Variants in KANSL1 observed in about 807,000 individuals in gnomAD.
KANSL1 encodes the protein KAT8 regulatory NSL complex subunit 1.
KANSL1 carries 22 observed loss-of-function variants against 103.6 expected under a neutral mutation model. The observed-to-expected ratio is 0.21, with a 90% confidence interval of 0.15 to 0.30. The LOEUF (loss-of-function observed/expected upper bound fraction) is 0.30, where lower values mean the gene tolerates loss of function less well. Ranked by LOEUF, KANSL1 falls within the 10% of genes least tolerant of loss-of-function variation. KANSL1 has a pLI of 1.00. For missense variants in KANSL1, 1,337 were observed against 1,399.8 expected (o/e 0.96, Z 0.72); for synonymous variants, 600 against 527.6 (o/e 1.14, Z -1.88).
At chr17:46,218,821 G>C (rs1194713614) in intron 1 of KANSL1, among the ~76,000 whole-genome samples, 1 of 152,086 alleles carries the variant, frequency 6.6e-6, no homozygotes, top group East Asian at 1.9e-4. Flanking sequence ...AAGAACAGTA[G>C]TAGTCCACTG....
intron 1 of KANSL1, among the ~76,000 whole-genome samples, chr17:46,204,464 C>CA (rs1384552071): frequency 3.3e-5 from 5 of 151,946 alleles, no homozygotes; most frequent in Non-Finnish European, 7.4e-5. Flanking sequence ...GACTCTATCT[C>CA]AAAAAAACAA....
chr17:46,091,747 T>C (rs2079397197), intron 3 of KANSL1, among the ~76,000 whole-genome samples: 1 of 151,814 alleles, frequency 6.6e-6, no homozygotes, highest in Non-Finnish European at 1.5e-5. Context: ...CTATATACCA[T>C]ATTGTCTAAG....
At chr17:46,138,390 A>G (rs2044258780) in intron 2 of KANSL1, among the ~76,000 whole-genome samples, 1 of 152,224 alleles carries the variant, frequency 6.6e-6, no homozygotes, top group Non-Finnish European at 1.5e-5. Flanking sequence ...TGTAACAACT[A>G]TTTACATAGC....
chr17:46,199,326 T>C (rs893539944), intron 1 of KANSL1, among the ~76,000 whole-genome samples: 2 of 152,228 alleles, frequency 1.3e-5, no homozygotes, highest in African/African-American at 4.8e-5. Flanking sequence ...ACCTAAACCA[T>C]ACTACCTATT....
At chr17:46,220,382 A>G (rs1234902560) in intron 1 of KANSL1, among the ~76,000 whole-genome samples, 4 of 151,444 alleles carry the variant, frequency 2.6e-5, no homozygotes, top group Admixed American at 6.6e-5. Flanking sequence ...ACGCCCAGCT[A>G]TTTTTTTGTA....
chr17:46,089,049 G>A (rs184767545), intron 3 of KANSL1, among the ~76,000 whole-genome samples: 132 of 152,308 alleles, frequency 8.7e-4, no homozygotes, highest in Non-Finnish European at 1.7e-3. Flanking sequence ...ATTTAGCTCT[G>A]CCTTTTACAA....
At chr17:46,038,835 G>C (rs373955580) in intron 9 of KANSL1, 149 bp from the exon 10 acceptor site, 1 of 1,192,130 alleles carries the variant, frequency 8.4e-7, no homozygotes, top group South Asian at 1.4e-5. Context: ...CTAGCTGTGG[G>C]AAGTAGGGGC....
At chr17:46,209,502 T>A (rs1179291988) in intron 1 of KANSL1, among the ~76,000 whole-genome samples, 7 of 152,228 alleles carry the variant, frequency 4.6e-5, no homozygotes, top group African/African-American at 1.4e-4. Context: ...TTTTTTGTTG[T>A]TGTTTTTTTG....
intron 2 of KANSL1, among the ~76,000 whole-genome samples, chr17:46,135,044 G>A (rs915023407): frequency 6.6e-6 from 1 of 152,132 alleles, no homozygotes; most frequent in African/African-American, 2.4e-5. Context: ...GGGTCTACCT[G>A]ATAGTCTCTT....
In KANSL1 at chr17:46,193,341, G is replaced by T; in HGVS notation, c.-608C>A. The T allele has an allele frequency of 6.5e-6, 1 of 154,550 alleles. No individual in the cohort carries two copies. Among genetic ancestry groups the T allele is most frequent in the South Asian group, 2.0e-4 (1 of 4,944 alleles). The allele number at this position is 154,550 out of a possible 1,614,324, so 9.6% of individuals were successfully genotyped here. A position where few individuals can be genotyped will look rare whatever the true frequency, so the allele number is the denominator to read the frequency against. On this transcript the variant is annotated 5_prime_UTR_variant, in exon 1 of 15. Coordinates refer to ENST00000432791, the MANE Select transcript of KANSL1 (RefSeq NM_015443.4). Reference sequence around the variant, plus strand: ...TGCTCGGTTCTCCCGCCGGCTCGGCGAGCGGTGGCGGCGGTGGCGGCGGCA... The same window carrying T: ...TGCTCGGTTCTCCCGCCGGCTCGGCTAGCGGTGGCGGCGGTGGCGGCGGCA...
At chr17:46,157,879 G>A (rs1031091306) in intron 2 of KANSL1, among the ~76,000 whole-genome samples, 7 of 152,250 alleles carry the variant, frequency 4.6e-5, no homozygotes, top group Non-Finnish European at 7.3e-5. Flanking sequence ...CGCACAGGGT[G>A]TGCCCAAAGA....
At chr17:46,094,215 G>A (rs1389886984) in intron 3 of KANSL1, 1 of 241,572 alleles carries the variant, frequency 4.1e-6, no homozygotes. Context: ...TCCCACTTCA[G>A]CCTCCTAAGT....
intron 1 of KANSL1, among the ~76,000 whole-genome samples, chr17:46,207,570 G>A (rs2048013611): frequency 6.6e-6 from 1 of 151,418 alleles, no homozygotes; most frequent in Non-Finnish European, 1.5e-5. Context: ...CAGAGTGACA[G>A]AGCAAGACCT....
At chr17:46,112,726 T>TTTTATTTATTTTATTTA (rs1474633519) in intron 2 of KANSL1, among the ~76,000 whole-genome samples, 58 of 140,296 alleles carry the variant, frequency 4.1e-4, no homozygotes, top group Admixed American at 8.9e-4. Flanking sequence ...GCAGATAAAT[T>TTTTATTTATTTTATTTA]TTTTTTTTTT....
chr17:46,191,157 G>C (rs952610521), intron 1 of KANSL1, among the ~76,000 whole-genome samples: 3 of 152,138 alleles, frequency 2.0e-5, no homozygotes, highest in African/African-American at 7.2e-5. Context: ...CCAATTATGG[G>C]AAAAACTGAT....
At chr17:46,164,383 GAA>G (rs1464411898) in intron 2 of KANSL1, among the ~76,000 whole-genome samples, 1 of 152,160 alleles carries the variant, frequency 6.6e-6, no homozygotes, top group African/African-American at 2.4e-5. Flanking sequence ...GAGAATAGAA[GAA>G]AAAAACACAA....
Position 46,151,898 on chromosome 17 carries a change from A to G in KANSL1, c.1289+18957T>C, listed in dbSNP as rs73319177. 5.0e-3 allele frequency among the ~76,000 whole-genome samples: 763 copies of G among 152,292 alleles called. 15 individuals are homozygous for G. The highest frequency in any genetic ancestry group is 0.018 in the African/African-American group (736 of 41,540). Reference sequence around the variant, plus strand: ...GTCCCTAATCTGAAAAACATCCTAGACCAGTGATTTATGACTCTGGCTACA... The same window carrying G: ...GTCCCTAATCTGAAAAACATCCTAGGCCAGTGATTTATGACTCTGGCTACA... On this transcript the variant is annotated intron_variant, in intron 2 of 14. Transcript: ENST00000432791.
intron 1 of KANSL1, among the ~76,000 whole-genome samples, chr17:46,191,087 T>C (rs1045010630): frequency 6.6e-6 from 1 of 152,220 alleles, no homozygotes; most frequent in African/African-American, 2.4e-5. Flanking sequence ...AAAAAATGTC[T>C]AGTAACCTAT....
intron 2 of KANSL1, among the ~76,000 whole-genome samples, chr17:46,136,697 G>T (rs1311821148): frequency 6.6e-6 from 1 of 152,134 alleles, no homozygotes; most frequent in Non-Finnish European, 1.5e-5. Flanking sequence ...AAACAAAAAG[G>T]GAGGAAAACT....
Sources: gnomAD v4.1 joint callset for allele counts (sites outside exome capture counted in the v4.1 genomes callset) on GRCh38, gnomAD v4.1.1 for gene constraint, MANE v1.5 for transcripts, NCBI Gene and HGNC (gene_info 2026-07-23, HGNC 2026-07-21) for gene names.